Variants in EBF1 observed in about 807,000 individuals in gnomAD.
EBF1 encodes the protein EBF transcription factor 1.
EBF1 carries 10 observed loss-of-function variants against 68.4 expected under a neutral mutation model. That is an observed-to-expected ratio of 0.15 (90% CI 0.09 to 0.25). The LOEUF is 0.25. Among genes scored for constraint, EBF1 ranks in the 10% least tolerant of loss-of-function variants. The probability of loss-of-function intolerance (pLI) is 1.00; values close to 1 mark genes in which losing one functional copy is unlikely to be tolerated. For missense variants in EBF1, 509 were observed against 794.4 expected (o/e 0.64, Z 4.32); for synonymous variants, 298 against 299.8 (o/e 0.99, Z 0.06).
chr5:159,014,063 T>G (rs568844903), intron 6 of EBF1, among the ~76,000 whole-genome samples: 1 of 152,312 alleles, frequency 6.6e-6, no homozygotes, highest in African/African-American at 2.4e-5. Flanking sequence ...AACATAAAAT[T>G]GAGTTCTACA....
At chr5:159,004,522 G>C (rs1381087036) in intron 6 of EBF1, among the ~76,000 whole-genome samples, 1 of 136,902 alleles carries the variant, frequency 7.3e-6, no homozygotes, top group Non-Finnish European at 1.6e-5. Flanking sequence ...AAACCAAAAA[G>C]ACAGAGAGGT....
At chr5:158,854,127 A>C (rs895183235) in intron 6 of EBF1, among the ~76,000 whole-genome samples, 22 of 152,250 alleles carry the variant, frequency 1.4e-4, no homozygotes, top group Non-Finnish European at 3.2e-4. Context: ...AGGGCCAGAC[A>C]AAACAAATCT....
intron 8 of EBF1, among the ~76,000 whole-genome samples, chr5:158,798,410 AT>A (rs1448879155): frequency 6.6e-6 from 1 of 152,050 alleles, no homozygotes; most frequent in Non-Finnish European, 1.5e-5. Context: ...GTTAATTTTT[AT>A]TTTTTTAATC....
chr5:158,946,807 C>T (rs1814830422), intron 6 of EBF1, among the ~76,000 whole-genome samples: 1 of 152,226 alleles, frequency 6.6e-6, no homozygotes, highest in Non-Finnish European at 1.5e-5. Flanking sequence ...CACCAAGGTG[C>T]TCTGTCCCAG....
At chr5:158,812,490 G>A (rs966301958) in intron 8 of EBF1, among the ~76,000 whole-genome samples, 1 of 152,092 alleles carries the variant, frequency 6.6e-6, no homozygotes. Context: ...CAAGGACCCA[G>A]GTGGATCTTG....
intron 4 of EBF1, among the ~76,000 whole-genome samples, chr5:159,089,057 G>A (rs1013422898): frequency 2.0e-5 from 3 of 151,958 alleles, no homozygotes; most frequent in Non-Finnish European, 2.9e-5. Context: ...GTCAAAAGTG[G>A]ATATATTTGG....
chr5:158,714,495 C>A (rs1760191419), intron 11 of EBF1, among the ~76,000 whole-genome samples: 1 of 148,548 alleles, frequency 6.7e-6, no homozygotes, highest in Non-Finnish European at 1.5e-5. Context: ...TAGATTACTA[C>A]AATTGATGTC....
intron 6 of EBF1, among the ~76,000 whole-genome samples, chr5:159,023,564 C>A (rs1296040114): frequency 6.6e-6 from 1 of 152,186 alleles, no homozygotes; most frequent in Non-Finnish European, 1.5e-5. Flanking sequence ...CACCCTTCCT[C>A]CACCATAGTG....
chr5:159,077,929 T>C (rs554125431), intron 5 of EBF1, among the ~76,000 whole-genome samples: 1 of 151,926 alleles, frequency 6.6e-6, no homozygotes, highest in East Asian at 1.9e-4. Context: ...TTGTGGAGAC[T>C]GAGTCTCACC....
At chr5:158,778,838 A>G (rs948593749) in intron 9 of EBF1, among the ~76,000 whole-genome samples, 4 of 152,180 alleles carry the variant, frequency 2.6e-5, no homozygotes, top group African/African-American at 9.6e-5. Flanking sequence ...TTGTAATATA[A>G]AAAAGCCCTA....
At chr5:158,773,330 A>G (rs1458636063) in intron 10 of EBF1, among the ~76,000 whole-genome samples, 1 of 152,202 alleles carries the variant, frequency 6.6e-6, no homozygotes, top group Non-Finnish European at 1.5e-5. Flanking sequence ...AACAGGAAGT[A>G]TTTCCACGAA....
At chr5:158,952,559 A>C (rs1388816798) in intron 6 of EBF1, among the ~76,000 whole-genome samples, 1 of 152,242 alleles carries the variant, frequency 6.6e-6, no homozygotes, top group African/African-American at 2.4e-5. Context: ...GTCATTAATG[A>C]ATAATTAATT....
intron 6 of EBF1, among the ~76,000 whole-genome samples, chr5:159,044,767 A>G (rs1184287416): frequency 2.0e-5 from 3 of 152,234 alleles, no homozygotes; most frequent in African/African-American, 7.2e-5. Context: ...AGTGTAATAT[A>G]AAGAGTGTAG....
At chr5:158,985,002 T>C (rs1022482334) in intron 6 of EBF1, among the ~76,000 whole-genome samples, 3 of 152,170 alleles carry the variant, frequency 2.0e-5, no homozygotes, top group South Asian at 2.1e-4. Flanking sequence ...TTTCTTTTCA[T>C]TGAATTTTTC....
chr5:158,794,227 A>G (rs1272180329), intron 9 of EBF1, among the ~76,000 whole-genome samples: 1 of 152,142 alleles, frequency 6.6e-6, no homozygotes, highest in Non-Finnish European at 1.5e-5. Context: ...CAGAGTGAAG[A>G]GGGGCTCCTG....
chr5:158,939,807 A>C (rs556661495), intron 6 of EBF1, among the ~76,000 whole-genome samples: 1 of 152,194 alleles, frequency 6.6e-6, no homozygotes, highest in Non-Finnish European at 1.5e-5. Flanking sequence ...ATCTAACAAA[A>C]TGTCATCATG....
At chr5:158,702,326 T>C (rs1267873175) in intron 15 of EBF1, among the ~76,000 whole-genome samples, 1 of 152,050 alleles carries the variant, frequency 6.6e-6, no homozygotes, top group Non-Finnish European at 1.5e-5. Context: ...GCCATTGGCA[T>C]GCTAACTTGC....
At chr5:158,956,028 A>ATGTGTGTGTGTGTGTG (rs56311243) in intron 6 of EBF1, among the ~76,000 whole-genome samples, 1 of 141,040 alleles carries the variant, frequency 7.1e-6, no homozygotes. Flanking sequence ...ATAAATATAA[A>ATGTGTGTGTGTGTGTG]TGTGTGTGTG....
chr5:158,890,428 A>G (rs2128106909), intron 6 of EBF1, among the ~76,000 whole-genome samples: 1 of 152,306 alleles, frequency 6.6e-6, no homozygotes, highest in South Asian at 2.1e-4. Flanking sequence ...TCTCAGAACC[A>G]TGCAAACTTC....
Sources: gnomAD v4.1 joint callset for allele counts (sites outside exome capture counted in the v4.1 genomes callset) on GRCh38, gnomAD v4.1.1 for gene constraint, MANE v1.5 for transcripts, NCBI Gene and HGNC (gene_info 2026-07-23, HGNC 2026-07-21) for gene names.